The following MYOM2 variants were observed in gnomAD, a reference collection of about 807,000 sequenced individuals.
The protein encoded by MYOM2 is myomesin-2.
MYOM2 carries 254 observed loss-of-function variants against 187.6 expected under a neutral mutation model. The ratio of observed to expected loss-of-function variants is 1.35; its 90% CI spans 1.22 to 1.50. MYOM2 has a LOEUF of 1.50. Ranked by LOEUF, MYOM2 falls within the 40% of genes most tolerant of loss-of-function variation. The pLI is 0.00. For synonymous variants in MYOM2, 981 were observed against 753.8 expected (o/e 1.30, Z -4.94); for missense variants, 2,796 against 1,924.0 (o/e 1.45, Z -8.48).
chr8:2,098,771 A>G, intron 18 of MYOM2, 86 bp from the exon 19 acceptor site: 1 of 1,373,732 alleles, frequency 7.3e-7, no homozygotes, highest in Non-Finnish European at 9.8e-7. Flanking sequence ...ATTTTATTTC[A>G]CAAGCCAGTT....
At chr8:2,049,957 G>C (rs1818428978) in intron 1 of MYOM2, among the ~76,000 whole-genome samples, 1 of 152,096 alleles carries the variant, frequency 6.6e-6, no homozygotes, top group South Asian at 2.1e-4. Context: ...GCCAGGCTCT[G>C]TCCTCACTTT....
intron 28 of MYOM2, among the ~76,000 whole-genome samples, chr8:2,120,986 G>C (rs1405865100): frequency 1.3e-5 from 2 of 151,900 alleles, no homozygotes; most frequent in South Asian, 2.1e-4. Context: ...TAAAAGAAGA[G>C]AAGGTTACTT....
At chr8:2,048,097 C>G (rs1219883237) in intron 1 of MYOM2, among the ~76,000 whole-genome samples, 2 of 152,226 alleles carry the variant, frequency 1.3e-5, no homozygotes, top group Non-Finnish European at 2.9e-5. Flanking sequence ...CTTCCCTTTA[C>G]CAAGAAATAC....
At chr8:2,086,553 T>C (rs912592231) in intron 14 of MYOM2, among the ~76,000 whole-genome samples, 1 of 125,334 alleles carries the variant, frequency 8.0e-6, no homozygotes, top group African/African-American at 2.8e-5. Context: ...GTTTTAAAGA[T>C]GACCTACTAG....
rs1491257964 is a variant in MYOM2, at chr8:2,120,688, A to AT, written c.3454-2564_3454-2563insT. Among the ~76,000 whole-genome samples, 320 of 82,432 alleles carry AT rather than the reference A, an allele frequency of 3.9e-3. 16 individuals are homozygous for AT. The highest frequency in any genetic ancestry group is 5.3e-3 in the African/African-American group (120 of 22,496). 54.1% of individuals were successfully genotyped at this position (82,432 alleles called of 152,430 possible). A position where few individuals can be genotyped will look rare whatever the true frequency, so the allele number is the denominator to read the frequency against. ...TATATATATATATTATATTATATAT[A>AT]AATATATAATATATATATTTTAATT... On this transcript the variant is annotated intron_variant, in intron 28 of 36. Transcript: ENST00000262113.
At chr8:2,143,318 G>A in intron 35 of MYOM2, 83 bp from the exon 36 acceptor site, 1 of 1,478,050 alleles carries the variant, frequency 6.8e-7, no homozygotes, top group Non-Finnish European at 9.5e-7. Context: ...ATTCACCTTG[G>A]TACCCACTGC....
intron 31 of MYOM2, among the ~76,000 whole-genome samples, chr8:2,126,370 A>C (rs987897243): frequency 7.8e-6 from 1 of 127,974 alleles, no homozygotes; most frequent in African/African-American, 2.7e-5. Context: ...ACACCCACAC[A>C]CTCACATCCC....
intron 14 of MYOM2, among the ~76,000 whole-genome samples, chr8:2,086,591 G>A (rs372490019): frequency 3.0e-4 from 46 of 151,328 alleles, no homozygotes; most frequent in African/African-American, 6.5e-4. Context: ...ACCCTGCACC[G>A]TTGCTGGGGA....
At chr8:2,119,341 G>A (rs1026095985) in intron 28 of MYOM2, 13 of 152,336 alleles carry the variant, frequency 8.5e-5, no homozygotes, top group African/African-American at 2.9e-4. Flanking sequence ...GAGAAGAGGA[G>A]ACCAGCTCCA....
intron 32 of MYOM2, among the ~76,000 whole-genome samples, chr8:2,139,945 A>T (rs748009876): frequency 3.3e-5 from 5 of 152,142 alleles, no homozygotes; most frequent in Non-Finnish European, 7.4e-5. Flanking sequence ...GAGCATTTTA[A>T]CCACCTTTAA....
At chr8:2,124,490 G>A (rs1208543323) in intron 31 of MYOM2, among the ~76,000 whole-genome samples, 1 of 152,186 alleles carries the variant, frequency 6.6e-6, no homozygotes, top group Non-Finnish European at 1.5e-5. Context: ...AGGTTAATTG[G>A]CATGACTGCT....
At chr8:2,072,534 G>C (rs764164718) in intron 9 of MYOM2, 25 bp downstream of exon 9, 3 of 1,602,462 alleles carry the variant, frequency 1.9e-6, no homozygotes, top group Non-Finnish European at 2.6e-6. Flanking sequence ...GCCCAGACCC[G>C]GGCACACACC....
Position 2,045,790 on chromosome 8 carries a change from C to T in MYOM2, c.-13+622C>T, listed in dbSNP as rs193186779. Among the ~76,000 whole-genome samples the T allele has an allele frequency of 3.9e-3, 589 of 152,360 alleles. 3 individuals are homozygous for T. The highest frequency in any genetic ancestry group is 0.013 in the African/African-American group (532 of 41,590). On this transcript the variant is annotated intron_variant, in intron 1 of 36. Coordinates refer to ENST00000262113, the MANE Select transcript of MYOM2 (RefSeq NM_003970.4). ...TTCAGCTCCACTCCGCTGATAGAGG[C>T]TGTGCCTTCTCAGGGCGTGCTCTTG...
chr8:2,094,899 C>T lies in MYOM2; in HGVS notation c.2125+808C>T, dbSNP rs139709939. On this transcript the variant is annotated intron_variant, in intron 17 of 36. Transcript: ENST00000262113. ...ACCGTCCCTAGAACAGTTGCTGTAT[C>T]AAGCTGTGCTGCAGCCTCGTGGCTT... Among the ~76,000 whole-genome samples, 1,021 of 152,270 alleles carry T rather than the reference C, an allele frequency of 6.7e-3. 8 individuals are homozygous for T. The highest frequency in any genetic ancestry group is 0.024 in the Middle Eastern group (7 of 294).
intron 28 of MYOM2, among the ~76,000 whole-genome samples, chr8:2,118,649 G>T (rs116067825): frequency 0.012 from 1,869 of 152,194 alleles, 40 homozygotes; most frequent in African/African-American, 0.042. Context: ...CAGCAGGGAG[G>T]GACAGAGAAG....
At chr8:2,119,040 G>C (rs1013191291) in intron 28 of MYOM2, 2 of 152,308 alleles carry the variant, frequency 1.3e-5, no homozygotes, top group South Asian at 4.1e-4. Flanking sequence ...TGTACGGGGA[G>C]GGCCAAGTTT....
chr8:2,050,956 C>A, intron 2 of MYOM2, 83 bp downstream of exon 2: 1 of 1,077,172 alleles, frequency 9.3e-7, no homozygotes, highest in Non-Finnish European at 1.4e-6. Context: ...TTCCGTCAGC[C>A]CTGGAGAGGC....
rs569977698 is a variant in MYOM2 at position 2,062,710 on chromosome 8, G to T, written c.653+3465G>T. The stretch of plus-strand genomic sequence containing the variant: ...AAAGAGACCACCTGCCTTCATTTTG[G>T]ACAGCTCATGGGTATGTGGGGCTGT... On this transcript the variant is annotated intron_variant, in intron 6 of 36. Transcript: ENST00000262113. Among the ~76,000 whole-genome samples the T allele has an allele frequency of 1.2e-4, 19 of 152,240 alleles. No individual in the cohort carries two copies. In the South Asian group the frequency reaches 3.3e-3, roughly 27 times the overall value.
chr8:2,076,251 G>C lies in MYOM2; in HGVS notation c.1231G>C (p.Glu411Gln). 6.2e-7 allele frequency: 1 copy of C among 1,613,770 alleles called. No homozygotes were observed. Among genetic ancestry groups the C allele is most frequent in the Admixed American group, 1.7e-5 (1 of 59,986 alleles). The change falls in exon 11 of 37, where the codon GAG (glutamate) becomes CAG (glutamine). Residue 411 changes from glutamate to glutamine, a missense_variant. Physicochemically the swap from Glu to Gln is conservative, Grantham distance 29. Coordinates refer to ENST00000262113, the MANE Select transcript of MYOM2 (RefSeq NM_003970.4). The stretch of plus-strand genomic sequence containing the variant: ...CTGGAAGCCGCCCAACACCACCACT[G>C]AGAGCCCCGTCATGGGCTATTTTGT... The part of the protein sequence containing the change: ...VTWKPPNTTT[E>Q]SPVMGYFVDR...
Sources: gnomAD v4.1 joint callset for allele counts (sites outside exome capture counted in the v4.1 genomes callset) on GRCh38, gnomAD v4.1.1 for gene constraint, MANE v1.5 for transcripts, NCBI Gene and HGNC (gene_info 2026-07-23, HGNC 2026-07-21) for gene names.